MRE11: variants seen among roughly 807,000 people sequenced by gnomAD.
MRE11 encodes MRE11 double strand break repair nuclease.
In MRE11, 62 loss-of-function variants were observed where a neutral mutation model predicts 91.7. The observed-to-expected ratio is 0.68, with a 90% confidence interval of 0.55 to 0.84. MRE11 has a LOEUF of 0.84. Among genes scored for constraint, MRE11 ranks in the 40% least tolerant of loss-of-function variants. The pLI is 0.00. For missense variants in MRE11, 796 were observed against 852.9 expected, an observed-to-expected ratio of 0.93 and a Z score of 0.83; for synonymous variants, 273 against 271.4, an observed-to-expected ratio of 1.01 and a Z score of -0.06.
At chr11:94,459,110 A>C (rs1202484069) in intron 13 of MRE11, among the ~76,000 whole-genome samples, 2 of 152,234 alleles carry the variant, frequency 1.3e-5, no homozygotes, top group African/African-American at 2.4e-5. Context: ...TAAAAAAATT[A>C]AAATGAACAA....
At chr11:94,507,572 T>G in the MRE11 span, among the ~76,000 whole-genome samples, 4 of 152,218 alleles carry the variant, frequency 2.6e-5, no homozygotes, top group African/African-American at 7.2e-5. Context: ...TCTACCAGTT[T>G]ACACTCTTAG....
Position 94,435,900 on chromosome 11 carries a change from C to T in MRE11, c.1927-1G>A. ...CATCTGATTCATCTACCTCAATCACCTGGCAAGGAAACAAAGCAACAAACA... is the reference window on the plus strand; with the variant it reads ...CATCTGATTCATCTACCTCAATCACTTGGCAAGGAAACAAAGCAACAAACA... On this transcript the variant is annotated splice_acceptor_variant, in intron 17 of 19. Coordinates refer to ENST00000323929, the MANE Select transcript of MRE11 (RefSeq NM_005591.4). LOFTEE classifies it high-confidence loss of function. 1.9e-6 allele frequency: 3 copies of T among 1,613,506 alleles called. 1 individual carries two copies. The South Asian group carries it at 3.3e-5, about 18-fold the overall frequency.
chr11:94,481,555 T>C (rs1407362290), intron 4 of MRE11, among the ~76,000 whole-genome samples: 1 of 152,230 alleles, frequency 6.6e-6, no homozygotes, highest in Non-Finnish European at 1.5e-5. Context: ...GAATCTTTTA[T>C]GACTTCTGGG....
chr11:94,459,460 C>G lies in MRE11; in HGVS notation c.1448G>C (p.Arg483Pro). The G allele has an allele frequency of 6.2e-7, 1 of 1,613,986 alleles. No homozygotes were observed. Among genetic ancestry groups the G allele is most frequent in the Non-Finnish European group, 8.5e-7 (1 of 1,179,948 alleles). ...ATCAATATGACGTTCTTTAAGAAAT[C>G]GCTGTGTTTTTTCCAACTGGTATTT... ...LVKYQLEKTQ[R>P]FLKERHIDAL... is the part of the protein sequence containing the mutation. Residue 483 changes from arginine (R) to proline (P), a missense_variant, in exon 13 of 20, where the codon CGA becomes CCA. Coordinates refer to ENST00000323929, the MANE Select transcript of MRE11 (RefSeq NM_005591.4).
Position 94,475,778 on chromosome 11 carries a change from G to A in MRE11, c.659+511C>T, listed in dbSNP as rs147569788. On this transcript the variant is annotated intron_variant, in intron 7 of 19. Coordinates refer to ENST00000323929, the MANE Select transcript of MRE11 (RefSeq NM_005591.4). ...TAAAAGCAAAAAACTCCTGTTCACT[G>A]ACAGGAGGCAAAGCATAACTGTACA... 9.0e-4 allele frequency among the ~76,000 whole-genome samples: 137 copies of A among 152,212 alleles called. 1 individual carries two copies. Among genetic ancestry groups the A allele is most frequent in the African/African-American group, 3.2e-3 (131 of 41,534 alleles).
At chr11:94,498,535 A>G, upstream of MRE11, 1 of 1,597,800 alleles carries the variant, frequency 6.3e-7, no homozygotes, top group Middle Eastern at 1.7e-4. Context: ...AGTCTTAACA[A>G]TTCTAGTAAT....
rs963825709 is a variant in MRE11, at chr11:94,437,112, G to A, written c.1926+65C>T. 5 of 1,366,802 alleles carry A rather than the reference G, an allele frequency of 3.7e-6. No homozygotes were observed. The African/African-American group carries it at 5.8e-5, about 16-fold the overall frequency. 84.7% of individuals were successfully genotyped at this position (1,366,802 alleles called of 1,614,324 possible). The stretch of plus-strand genomic sequence containing the variant: ...TTTTATTTACTTTGTAAATCAGAGA[G>A]TTGACAATTCATAATGCAGAAAACA... On this transcript the variant is annotated intron_variant, in intron 17 of 19. Transcript: ENST00000323929.
intron 14 of MRE11, among the ~76,000 whole-genome samples, chr11:94,448,635 G>A (rs1946012524): frequency 6.6e-6 from 1 of 151,620 alleles, no homozygotes; most frequent in Non-Finnish European, 1.5e-5. Flanking sequence ...AGAAACGGAA[G>A]AATTAAGGAG....
chr11:94,455,378 C>A (rs1946223807), intron 14 of MRE11, among the ~76,000 whole-genome samples: 1 of 151,926 alleles, frequency 6.6e-6, no homozygotes, highest in Admixed American at 6.6e-5. Flanking sequence ...TATGTACAGT[C>A]CTAATATAAA....
intron 4 of MRE11, among the ~76,000 whole-genome samples, chr11:94,485,488 C>T (rs1346822672): frequency 6.7e-6 from 1 of 149,606 alleles, no homozygotes; most frequent in Non-Finnish European, 1.5e-5. Flanking sequence ...GTAACTTCTG[C>T]AATTCAGGTA....
At chr11:94,459,754 G>A (rs537470640) in intron 12 of MRE11, among the ~76,000 whole-genome samples, 173 bp from the exon 13 acceptor site, 1 of 152,290 alleles carries the variant, frequency 6.6e-6, no homozygotes, top group South Asian at 2.1e-4. Context: ...CCAGAAATGG[G>A]GGAGGAGTAC....
At chr11:94,430,167 T>G (rs930551830) in intron 18 of MRE11, among the ~76,000 whole-genome samples, 181 bp from the exon 19 acceptor site, 32 of 152,202 alleles carry the variant, frequency 2.1e-4, no homozygotes, top group African/African-American at 7.5e-4. Flanking sequence ...GGGCCGAGGT[T>G]TGAACTCTGG....
At chr11:94,493,368 A>C (rs961616367) in intron 1 of MRE11, among the ~76,000 whole-genome samples, 7 of 152,168 alleles carry the variant, frequency 4.6e-5, no homozygotes, top group Non-Finnish European at 8.8e-5. Flanking sequence ...CCCGCGTTTA[A>C]AGCGAGTGTA....
intron 3 of MRE11, among the ~76,000 whole-genome samples, chr11:94,487,127 AGTT>A (rs1947161487): frequency 6.6e-6 from 1 of 152,186 alleles, no homozygotes; most frequent in Non-Finnish European, 1.5e-5. Flanking sequence ...GGCGAAAAGA[AGTT>A]GTTGCTTAAT....
chr11:94,441,690 A>G (rs1232952528), intron 16 of MRE11, among the ~76,000 whole-genome samples: 1 of 152,162 alleles, frequency 6.6e-6, no homozygotes, highest in Non-Finnish European at 1.5e-5. Flanking sequence ...TAAAGGAAGC[A>G]AATAGGCTGG....
chr11:94,494,978 AAC>A (rs1024067198), upstream of MRE11, among the ~76,000 whole-genome samples: 20 of 152,216 alleles, frequency 1.3e-4, no homozygotes, highest in Admixed American at 9.2e-4. Flanking sequence ...GAATTAATAA[AAC>A]ACAGAGCAAT....
intron 3 of MRE11, among the ~76,000 whole-genome samples, chr11:94,487,704 C>T (rs1053112205): frequency 1.5e-4 from 23 of 152,214 alleles, no homozygotes; most frequent in East Asian, 9.7e-4. Flanking sequence ...ATTATACATG[C>T]GGTTTACTCT....
At chr11:94,478,529 T>TA (rs1016403081) in intron 6 of MRE11, among the ~76,000 whole-genome samples, 5 of 151,898 alleles carry the variant, frequency 3.3e-5, no homozygotes, top group African/African-American at 1.2e-4. Context: ...CACCTGAGTC[T>TA]AAAAAAAACC....
At chr11:94,494,873 C>T (rs1287632515), upstream of MRE11, among the ~76,000 whole-genome samples, 1 of 152,082 alleles carries the variant, frequency 6.6e-6, no homozygotes, top group Non-Finnish European at 1.5e-5. Context: ...TTATTAGCAT[C>T]TGTTAAGTGT....
Sources: gnomAD v4.1 joint callset for allele counts (sites outside exome capture counted in the v4.1 genomes callset) on GRCh38, gnomAD v4.1.1 for gene constraint, MANE v1.5 for transcripts, NCBI Gene and HGNC (gene_info 2026-07-23, HGNC 2026-07-21) for gene names.